The following SIGLEC5 variants were observed in gnomAD, a reference collection of about 807,000 sequenced individuals.
The protein encoded by SIGLEC5 is sialic acid-binding Ig-like lectin 5.
In SIGLEC5, 34 loss-of-function variants were observed where a neutral mutation model predicts 45.9. That is an observed-to-expected ratio of 0.74 (90% CI 0.56 to 0.99). The LOEUF (loss-of-function observed/expected upper bound fraction) is 0.99, where lower values mean the gene tolerates loss of function less well. SIGLEC5 is among the 50% of genes least tolerant of loss of function. The probability of loss-of-function intolerance (pLI) is 0.00; values close to 1 mark genes in which losing one functional copy is unlikely to be tolerated. For synonymous variants in SIGLEC5, 203 were observed against 258.6 expected (o/e 0.79, Z 2.06); for missense variants, 508 against 629.6 (o/e 0.81, Z 2.07).
chr19:51,627,944 G>A lies in SIGLEC5; in HGVS notation c.887C>T (p.Thr296Ile). 1 of 1,614,114 alleles carries A rather than the reference G, an allele frequency of 6.2e-7. No individual in the cohort carries two copies. The highest frequency in any genetic ancestry group is 8.5e-7 in the Non-Finnish European group (1 of 1,180,000). ...TACTCGACGAAGCTCCAAGATCCCG[G>A]TATTGGAGATGGGGGTGGCGTTCAG... Reference protein sequence around the residue: ...PALNATPISNTGILELRRVRS... With the variant: ...PALNATPISNIGILELRRVRS... The change falls in exon 5 of 9, where the codon ACC becomes ATC. Residue 296 changes from threonine (T) to isoleucine (I), a missense_variant. Thr to Ile is a moderately conservative substitution (Grantham distance 89). Transcript: ENST00000683636.
rs1020806833 is a variant in SIGLEC5, at chr19:51,611,442, C to T, written c.*789G>A. 6.6e-6 allele frequency among the ~76,000 whole-genome samples: 1 copy of T among 152,112 alleles called. No homozygotes were observed. Among genetic ancestry groups the T allele is most frequent in the African/African-American group, 2.4e-5 (1 of 41,410 alleles). Reference sequence around the variant, plus strand: ...GTGTGGTATGAACCAGCATGAAAGGCTTAAGGAAGGGTTAGGCAAGAGGAA... The same window carrying T: ...GTGTGGTATGAACCAGCATGAAAGGTTTAAGGAAGGGTTAGGCAAGAGGAA... On this transcript the variant is annotated 3_prime_UTR_variant, in exon 9 of 9. Coordinates refer to ENST00000683636, the MANE Select transcript of SIGLEC5 (RefSeq NM_003830.4).
At position 51,629,378 on chromosome 19, in the gene SIGLEC5, G is replaced by T; in HGVS notation, c.680C>A (p.Thr227Asn). 6.2e-7 allele frequency: 1 copy of T among 1,613,828 alleles called. No homozygotes were observed. Among genetic ancestry groups the T allele is most frequent in the South Asian group, 1.1e-5 (1 of 91,068 alleles). The change falls in exon 3 of 9, where the codon ACT (threonine) becomes AAT (asparagine). Residue 227 changes from threonine (T) to asparagine (N), a missense_variant. This residue lies in a region of SIGLEC5 where 431 missense variants were observed against 428.8 expected (regional missense o/e 1.01). Coordinates refer to ENST00000683636, the MANE Select transcript of SIGLEC5 (RefSeq NM_003830.4). ...RQGAQVTTER[T>N]VQLNVSYAPQ... ...CTCACAGGAGACATTGAGCTGGACA[G>T]TTCTCTCCGTGGTCACCTGAGCTCC...
At chr19:51,612,544 C>T (rs1397296549) in intron 8 of SIGLEC5, 122 bp from the exon 9 acceptor site, 3 of 718,120 alleles carry the variant, frequency 4.2e-6, no homozygotes, top group Non-Finnish European at 6.7e-6. Context: ...CTTTCTCATG[C>T]CAGAAGCAGG....
At chr19:51,619,432 G>A (rs577556392) in intron 8 of SIGLEC5, among the ~76,000 whole-genome samples, 2 of 152,204 alleles carry the variant, frequency 1.3e-5, no homozygotes, top group East Asian at 1.9e-4. Flanking sequence ...AAAATTCATT[G>A]TATACAGGCC....
At chr19:51,623,770 T>C (rs1441839076) in intron 8 of SIGLEC5, among the ~76,000 whole-genome samples, 1 of 152,198 alleles carries the variant, frequency 6.6e-6, no homozygotes, top group Admixed American at 6.5e-5. Context: ...CTTTAGGTGA[T>C]GCTAAAGGAA....
At chr19:51,627,427 C>A in intron 6 of SIGLEC5, 35 bp downstream of exon 6, 1 of 1,586,740 alleles carries the variant, frequency 6.3e-7, no homozygotes, top group South Asian at 1.2e-5. Flanking sequence ...TGCCCCTCCC[C>A]TCAGGCCCCT....
At chr19:51,613,065 C>A (rs768893711) in intron 8 of SIGLEC5, among the ~76,000 whole-genome samples, 2 of 152,144 alleles carry the variant, frequency 1.3e-5, no homozygotes, top group Non-Finnish European at 2.9e-5. Context: ...ACCCGCCCAA[C>A]AGACCTGAAC....
At chr19:51,613,679 A>G (rs534870190) in intron 8 of SIGLEC5, among the ~76,000 whole-genome samples, 1 of 152,170 alleles carries the variant, frequency 6.6e-6, no homozygotes, top group Admixed American at 6.5e-5. Flanking sequence ...CCAAAAAAAA[A>G]CCCACAACAG....
At chr19:51,629,153 G>C in intron 3 of SIGLEC5, 77 bp from the exon 4 acceptor site, 1 of 1,560,462 alleles carries the variant, frequency 6.4e-7, no homozygotes, top group Non-Finnish European at 8.8e-7. Flanking sequence ...ACCCAAAGAG[G>C]AGCCACAGAA....
chr19:51,619,295 T>C (rs899140408), intron 8 of SIGLEC5, among the ~76,000 whole-genome samples: 1 of 152,172 alleles, frequency 6.6e-6, no homozygotes, highest in Non-Finnish European at 1.5e-5. Flanking sequence ...TTGGCCAGGC[T>C]GGTCTTGAAC....
intron 8 of SIGLEC5, among the ~76,000 whole-genome samples, chr19:51,613,706 A>T (rs375572298): frequency 1.3e-5 from 2 of 152,186 alleles, no homozygotes; most frequent in African/African-American, 2.4e-5. Flanking sequence ...AGATATTCTA[A>T]TTATCCCCAC....
chr19:51,620,058 A>AATATATATATAT lies in SIGLEC5; in HGVS notation c.1464+5962_1464+5973dup, dbSNP rs146205373. On this transcript the variant is annotated intron_variant, in intron 8 of 8. Transcript: ENST00000683636. ...AATGCCACCCATATCCTTTTGTCAA[A>AATATATATATAT]ATATATATATATATATAACTTAGGT... 2.0e-4 allele frequency among the ~76,000 whole-genome samples: 30 copies of AATATATATATAT among 149,114 alleles called. No homozygotes were observed. In the East Asian group the frequency reaches 3.4e-3, roughly 17 times the overall value.
Position 51,612,256 on chromosome 19 carries a change from T to A in SIGLEC5, c.1631A>T (p.Tyr544Phe), listed in dbSNP as rs748069327. Reference sequence around the variant, plus strand: ...TCACTTGCTTGTCTTGATCTCCGAGTACTCCGTGGTGCTTGGGGCCTCCTG... The same window carrying A: ...TCACTTGCTTGTCTTGATCTCCGAGAACTCCGTGGTGCTTGGGGCCTCCTG... Reference protein sequence around the residue: ...KDQEAPSTTEYSEIKTSK With the variant: ...KDQEAPSTTEFSEIKTSK Residue 544 changes from tyrosine to phenylalanine, a missense_variant, in exon 9 of 9, where the codon TAC becomes TTC. Transcript: ENST00000683636. The A allele has an allele frequency of 6.2e-7, 1 of 1,605,954 alleles. No homozygotes were observed. The highest frequency in any genetic ancestry group is 1.1e-5 in the South Asian group (1 of 90,478).
In SIGLEC5 at chr19:51,627,206, C is replaced by T. The variant is rs142710973; in HGVS notation, c.1325G>A (p.Gly442Asp). 41 of 1,614,132 alleles carry T rather than the reference C, an allele frequency of 2.5e-5. 1 individual carries two copies. In the African/African-American group the frequency reaches 4.5e-4, roughly 18 times the overall value. The change falls in exon 7 of 9, where the codon GGT (glycine) becomes GAT (aspartate). Residue 442 changes from glycine to aspartate, a missense_variant. Gly to Asp is a moderately conservative substitution (Grantham distance 94, BLOSUM62 -1). This residue lies in a region of SIGLEC5 where 431 missense variants were observed against 428.8 expected (regional missense o/e 1.01). Transcript: ENST00000683636. ...GAGCAGGGCCATGACACCAGCACCA[C>T]CAAGGGCTGCAGGAACCACTCCTGT... is the stretch of plus-strand genomic sequence containing the variant. ...LGTGVVPAAL[G>D]GAGVMALLCI... is the part of the protein sequence containing the mutation.
At chr19:51,612,541 A>C (rs1292755017) in intron 8 of SIGLEC5, 119 bp from the exon 9 acceptor site, 14 of 742,206 alleles carry the variant, frequency 1.9e-5, no homozygotes, top group African/African-American at 3.6e-5. Context: ...GGACTTTCTC[A>C]TGCCAGAAGC....
At chr19:51,614,297 C>T (rs1982969237) in intron 8 of SIGLEC5, among the ~76,000 whole-genome samples, 1 of 152,132 alleles carries the variant, frequency 6.6e-6, no homozygotes, top group African/African-American at 2.4e-5. Flanking sequence ...GCACAAGCCA[C>T]CATGCCCAGC....
At position 51,612,264 on chromosome 19, in the gene SIGLEC5, G is replaced by A; in HGVS notation, c.1623C>T (p.Thr541=). The change falls in exon 9 of 9, where the codon ACC becomes ACT. Residue 541 remains threonine (T), a synonymous_variant. Coordinates refer to ENST00000683636, the MANE Select transcript of SIGLEC5 (RefSeq NM_003830.4). ...REPKDQEAPS[T]TEYSEIKTSK is the part of the protein sequence containing the mutation. The stretch of plus-strand genomic sequence containing the variant: ...TTGTCTTGATCTCCGAGTACTCCGT[G>A]GTGCTTGGGGCCTCCTGGTCCTTAG... 6.2e-7 allele frequency: 1 copy of A among 1,610,148 alleles called. No individual in the cohort carries two copies. Among genetic ancestry groups the A allele is most frequent in the Non-Finnish European group, 8.5e-7 (1 of 1,177,946 alleles).
chr19:51,627,029 G>T, intron 7 of SIGLEC5, 120 bp downstream of exon 7: 2 of 712,418 alleles, frequency 2.8e-6, no homozygotes, highest in Non-Finnish European at 4.7e-6. Flanking sequence ...TCAGACTCCT[G>T]AGCATCTGGA....
At position 51,612,074 on chromosome 19, in the gene SIGLEC5, C is replaced by T; in HGVS notation, c.*157G>A. On this transcript the variant is annotated 3_prime_UTR_variant, in exon 9 of 9. Coordinates refer to ENST00000683636, the MANE Select transcript of SIGLEC5 (RefSeq NM_003830.4). ...ACAGTGCCAGGGCCTAGATTTGAGC[C>T]CACCTCTCTAATTCCATCTGCTTGG... The T allele has an allele frequency of 1.5e-5, 1 of 67,066 alleles. No homozygotes were observed. 4.2% of individuals were successfully genotyped at this position (67,066 alleles called of 1,614,324 possible).
Sources: gnomAD v4.1 joint callset for allele counts (sites outside exome capture counted in the v4.1 genomes callset) on GRCh38, gnomAD v4.1.1 for gene constraint, gnomAD v4.1.1 regional missense constraint, MANE v1.5 for transcripts, NCBI Gene and HGNC (gene_info 2026-07-23, HGNC 2026-07-21) for gene names.